The following TRIM63 variants were observed in gnomAD, a reference collection of about 807,000 sequenced individuals.
TRIM63 encodes E3 ubiquitin-protein ligase TRIM63.
A neutral mutation model predicts 46.0 loss-of-function variants in TRIM63; 48 were observed. The ratio of observed to expected loss-of-function variants is 1.04; its 90% CI spans 0.83 to 1.33. TRIM63 has a LOEUF of 1.33. Ranked by LOEUF, TRIM63 falls within the 40% of genes most tolerant of loss-of-function variation. The pLI is 0.00. For missense variants in TRIM63, 455 were observed against 441.2 expected (o/e 1.03, Z -0.28); for synonymous variants, 175 against 162.8 (o/e 1.08, Z -0.57).
Position 26,066,295 on chromosome 1 carries a change from A to G in TRIM63, c.305T>C (p.Ile102Thr), listed in dbSNP as rs767308159. ...GGAGCACTCCTGTTTGTAGATGTCGATGATGTTCTCCACCAGCAGGTTCCT... is the reference window on the plus strand; with the variant it reads ...GGAGCACTCCTGTTTGTAGATGTCGGTGATGTTCTCCACCAGCAGGTTCCT... The part of the protein sequence containing the change: ...LQRNLLVENI[I>T]DIYKQECSSR... The change falls in exon 2 of 9, where the codon ATC becomes ACC. Residue 102 changes from isoleucine (I) to threonine (T), a missense_variant. Physicochemically the swap from Ile to Thr is moderately conservative, Grantham distance 89. Transcript: ENST00000374272. 6.2e-7 allele frequency: 1 copy of G among 1,614,032 alleles called. No homozygotes were observed. Among genetic ancestry groups the G allele is most frequent in the Non-Finnish European group, 8.5e-7 (1 of 1,179,978 alleles).
rs2050525622 is a variant in TRIM63 at position 26,051,826 on chromosome 1, C to A, written c.*47G>T. On this transcript the variant is annotated 3_prime_UTR_variant, in exon 9 of 9. Transcript: ENST00000374272. Reference sequence around the variant, plus strand: ...CCAAGGCCGCTGGGCCCCTCCCCACCCTCTCCAGTCTCTCTGCATCTGGGG... The same window carrying A: ...CCAAGGCCGCTGGGCCCCTCCCCACACTCTCCAGTCTCTCTGCATCTGGGG... 7.5e-7 allele frequency: 1 copy of A among 1,340,756 alleles called. No homozygotes were observed. The highest frequency in any genetic ancestry group is 9.6e-7 in the Non-Finnish European group (1 of 1,039,454). The allele number at this position is 1,340,756 out of a possible 1,614,324, so 83.1% of individuals were successfully genotyped here.
chr1:26,067,546 C>T lies in TRIM63; in HGVS notation c.-52G>A. 1 of 1,597,322 alleles carries T rather than the reference C, an allele frequency of 6.3e-7. No individual in the cohort carries two copies. The highest frequency in any genetic ancestry group is 8.5e-7 in the Non-Finnish European group (1 of 1,172,196). On this transcript the variant is annotated 5_prime_UTR_variant, in exon 1 of 9. Transcript: ENST00000374272. ...CTAGCTGCCTCCTCTACTAACTTTG[C>T]TCTAAGTAGACCTGGGGGTCTTGCC...
At chr1:26,067,183 C>T (rs1005488962) in intron 1 of TRIM63, among the ~76,000 whole-genome samples, 153 bp downstream of exon 1, 2 of 152,182 alleles carry the variant, frequency 1.3e-5, no homozygotes, top group Admixed American at 1.3e-4. Flanking sequence ...CGCCTCCCAG[C>T]CCCCTCTCAG....
At chr1:26,065,021 G>GT (rs1264561457) in intron 2 of TRIM63, among the ~76,000 whole-genome samples, 11 of 151,912 alleles carry the variant, frequency 7.2e-5, no homozygotes, top group African/African-American at 1.9e-4. Context: ...GTTGTGTTGT[G>GT]TGTGTGTGTG....
chr1:26,061,689 C>T (rs2050627494), intron 2 of TRIM63, among the ~76,000 whole-genome samples: 2 of 152,140 alleles, frequency 1.3e-5, no homozygotes, highest in African/African-American at 2.4e-5. Flanking sequence ...GAAGAGGAAA[C>T]TGGGCTCCAG....
chr1:26,056,121 C>T (rs548799961), intron 7 of TRIM63, among the ~76,000 whole-genome samples: 4 of 152,302 alleles, frequency 2.6e-5, no homozygotes, highest in South Asian at 2.1e-4. Flanking sequence ...CTCAGACCAA[C>T]GCAACAGTCA....
chr1:26,057,888 G>A (rs2050587000), intron 5 of TRIM63, among the ~76,000 whole-genome samples: 1 of 152,138 alleles, frequency 6.6e-6, no homozygotes, highest in Non-Finnish European at 1.5e-5. Flanking sequence ...TTGGATTCTA[G>A]GGGTATCAAT....
In TRIM63 at chr1:26,066,125, G is replaced by T. The variant is rs535641249; in HGVS notation, c.332+143C>A. The T allele has an allele frequency of 3.9e-5, 38 of 962,894 alleles. No individual in the cohort carries two copies. The African/African-American group carries it at 5.1e-4, about 13-fold the overall frequency. The allele number at this position is 962,894 out of a possible 1,614,324, so 59.6% of individuals were successfully genotyped here. ...CTGGGTTGGGGTGTATGGGTCTCCA[G>T]TCCTGTCTCTGAATGGCTTGTGTAG... On this transcript the variant is annotated intron_variant, in intron 2 of 8. Transcript: ENST00000374272.
At chr1:26,053,619 T>C (rs2050541833) in intron 8 of TRIM63, among the ~76,000 whole-genome samples, 1 of 152,238 alleles carries the variant, frequency 6.6e-6, no homozygotes, top group Non-Finnish European at 1.5e-5. Context: ...CATGAGCCCC[T>C]GTCTTTTCCC....
chr1:26,051,940 C>T, intron 8 of TRIM63, 57 bp from the exon 9 acceptor site: 1 of 1,269,186 alleles, frequency 7.9e-7, no homozygotes, highest in Non-Finnish European at 1.0e-6. Flanking sequence ...CAGGAGGATC[C>T]AAGGCTTACC....
intron 8 of TRIM63, 107 bp downstream of exon 8, chr1:26,053,786 G>C (rs2050543352): frequency 1.2e-6 from 1 of 845,324 alleles, no homozygotes; most frequent in Non-Finnish European, 1.9e-6. Flanking sequence ...GGACAGTTCT[G>C]AGCGTCATTG....
intron 1 of TRIM63, among the ~76,000 whole-genome samples, chr1:26,066,939 A>G (rs1488852824): frequency 2.0e-5 from 3 of 151,786 alleles, no homozygotes. Context: ...TCTACTGCCC[A>G]CTGCCTCCCT....
rs202242110 is a variant in TRIM63, at chr1:26,067,446, A to G, written c.49T>C (p.Leu17=). ...ATAGGGCAGATCAGCTGCTTCTCCA[A>G]GTTCTCCATGGGATTCCCATCCTGG... The part of the protein sequence containing the change: ...LIQDGNPMEN[L]EKQLICPICL... Residue 17 remains leucine, a synonymous_variant, in exon 1 of 9, where the codon TTG becomes CTG. Transcript: ENST00000374272. 38 of 1,614,168 alleles carry G rather than the reference A, an allele frequency of 2.4e-5. No homozygotes were observed. The East Asian group carries it at 4.7e-4, about 20-fold the overall frequency.
At position 26,060,319 on chromosome 1, in the gene TRIM63, C is replaced by A; in HGVS notation, c.544G>T (p.Asp182Tyr). The A allele has an allele frequency of 6.2e-7, 1 of 1,614,040 alleles. No individual in the cohort carries two copies. Among genetic ancestry groups the A allele is most frequent in the South Asian group, 1.1e-5 (1 of 91,044 alleles). Residue 182 changes from aspartate to tyrosine, a missense_variant, in exon 4 of 9, where the codon GAC becomes TAC. Coordinates refer to ENST00000374272, the MANE Select transcript of TRIM63 (RefSeq NM_032588.4). The stretch of plus-strand genomic sequence containing the variant: ...TGAGTGATGATGGTCTGCACACGGT[C>A]ATTCCCCGCCACCAGCATGGAGATA... ...NCISMLVAGNDRVQTIITQLE... is the reference protein window; with the variant it reads ...NCISMLVAGNYRVQTIITQLE...
At chr1:26,062,701 G>C (rs1233640872) in intron 2 of TRIM63, among the ~76,000 whole-genome samples, 1 of 152,176 alleles carries the variant, frequency 6.6e-6, no homozygotes, top group Non-Finnish European at 1.5e-5. Context: ...CCTCCAACCT[G>C]TTATTTGTGC....
At chr1:26,053,816 T>C in intron 8 of TRIM63, 77 bp downstream of exon 8, 2 of 1,129,152 alleles carry the variant, frequency 1.8e-6, no homozygotes, top group Non-Finnish European at 2.6e-6. Context: ...AACACAGTGC[T>C]TCACATACAG....
At chr1:26,058,212 T>C (rs1019824351) in intron 5 of TRIM63, among the ~76,000 whole-genome samples, 178 bp downstream of exon 5, 1 of 152,094 alleles carries the variant, frequency 6.6e-6, no homozygotes, top group African/African-American at 2.4e-5. Flanking sequence ...CATCATAAAA[T>C]CAGTAAGAGG....
intron 5 of TRIM63, 147 bp downstream of exon 5, chr1:26,058,243 C>T: frequency 1.5e-6 from 1 of 671,274 alleles, no homozygotes; most frequent in Non-Finnish European, 2.6e-6. Context: ...GTGTTACATG[C>T]CCATTTGACA....
In TRIM63 at chr1:26,061,045, C is replaced by T. The variant is rs921895834; in HGVS notation, c.501+121G>A. 632 of 1,164,904 alleles carry T rather than the reference C, an allele frequency of 5.4e-4. 3 individuals are homozygous for T. The highest frequency in any genetic ancestry group is 7.0e-4 in the Non-Finnish European group (577 of 826,700). 72.2% of individuals were successfully genotyped at this position (1,164,904 alleles called of 1,614,324 possible). On this transcript the variant is annotated intron_variant, in intron 3 of 8. Coordinates refer to ENST00000374272, the MANE Select transcript of TRIM63 (RefSeq NM_032588.4). ...TGTCCCTGTGGCCTGGGAAGTCCCT[C>T]CAGAGAGACTATTCCTGAAAGGCCA...
Sources: allele counts gnomAD v4.1 joint callset (sites outside exome capture counted in the v4.1 genomes callset), GRCh38; gene constraint gnomAD v4.1.1; transcripts MANE v1.5; gene names NCBI Gene and HGNC (gene_info 2026-07-23, HGNC 2026-07-21).